RNF216: variants seen among roughly 807,000 people sequenced by gnomAD.
RNF216 encodes the protein ring finger protein 216, also known as E3 ubiquitin-protein ligase RNF216.
A neutral mutation model predicts 110.8 loss-of-function variants in RNF216; 72 were observed. That is an observed-to-expected ratio of 0.65 (90% CI 0.54 to 0.79). The LOEUF is 0.79. Ranked by LOEUF, RNF216 falls within the 30% of genes least tolerant of loss-of-function variation. RNF216 has a pLI of 0.00. For missense variants in RNF216, 1,342 were observed against 1,141.2 expected, an observed-to-expected ratio of 1.18 and a Z score of -2.54; for synonymous variants, 495 against 407.5, an observed-to-expected ratio of 1.21 and a Z score of -2.59.
intron 14 of RNF216, among the ~76,000 whole-genome samples, chr7:5,646,678 C>T (rs556664279): frequency 3.1e-4 from 46 of 148,844 alleles, no homozygotes; most frequent in African/African-American, 8.5e-4. Flanking sequence ...GGCGACAGAG[C>T]GAGACTCCAT....
chr7:5,767,963 C>T (rs1796290133), intron 1 of RNF216, among the ~76,000 whole-genome samples: 1 of 152,042 alleles, frequency 6.6e-6, no homozygotes, highest in African/African-American at 2.4e-5. Context: ...ACTGAGCTTT[C>T]ATCTAAGATC....
intron 13 of RNF216, among the ~76,000 whole-genome samples, chr7:5,689,752 A>C (rs907666200): frequency 6.6e-6 from 1 of 152,058 alleles, no homozygotes; most frequent in African/African-American, 2.4e-5. Context: ...TTAGGAGTTC[A>C]AGACAAGCCT....
Position 5,689,969 on chromosome 7 carries a change from A to C in RNF216, c.2061+21792T>G, listed in dbSNP as rs191651539. On this transcript the variant is annotated intron_variant, in intron 13 of 16. Coordinates refer to ENST00000389902, the MANE Select transcript of RNF216 (RefSeq NM_207111.4). Reference sequence around the variant, plus strand: ...AAAAGAACAGAAAAGAGAAGAGAAGAGGAGGGCAGGTAACCCCCCTTATTT... The same window carrying C: ...AAAAGAACAGAAAAGAGAAGAGAAGCGGAGGGCAGGTAACCCCCCTTATTT... Among the ~76,000 whole-genome samples, 793 of 150,640 alleles carry C rather than the reference A, an allele frequency of 5.3e-3. 3 individuals are homozygous for C. The highest frequency in any genetic ancestry group is 0.028 in the Middle Eastern group (8 of 288).
At chr7:5,769,534 G>A (rs1298120127) in intron 1 of RNF216, among the ~76,000 whole-genome samples, 1 of 150,284 alleles carries the variant, frequency 6.7e-6, no homozygotes, top group African/African-American at 2.4e-5. Context: ...ACCAGCCTGG[G>A]CAACATGGTG....
At chr7:5,758,707 G>A (rs1271188594) in intron 2 of RNF216, among the ~76,000 whole-genome samples, 1 of 152,132 alleles carries the variant, frequency 6.6e-6, no homozygotes, top group African/African-American at 2.4e-5. Flanking sequence ...TTTGGAACAG[G>A]AGTATATACG....
At chr7:5,722,403 T>G (rs11979789) in intron 8 of RNF216, among the ~76,000 whole-genome samples, 10,054 of 151,574 alleles carry the variant, frequency 0.066, 1,097 homozygotes, top group African/African-American at 0.23. Context: ...GTTTTGTTTT[T>G]TTTTGAGACA....
chr7:5,647,522 G>C (rs150335150), intron 14 of RNF216, among the ~76,000 whole-genome samples: 6 of 151,812 alleles, frequency 4.0e-5, no homozygotes, highest in African/African-American at 1.2e-4. Context: ...TCTGTACAGA[G>C]AGGGTCTCAC....
In RNF216 at chr7:5,622,434, C is replaced by T. The variant is rs1786425978; in HGVS notation, c.*426G>A. ...CCACCCTGAGCAATGCTTCCCAGGC[C>T]CGCAGGTGCAGCCCCCTCTGCCCTT... On this transcript the variant is annotated 3_prime_UTR_variant, in exon 17 of 17. Coordinates refer to ENST00000389902, the MANE Select transcript of RNF216 (RefSeq NM_207111.4). 1 of 163,534 alleles carries T rather than the reference C, an allele frequency of 6.1e-6. No homozygotes were observed. The highest frequency in any genetic ancestry group is 1.3e-5 in the Non-Finnish European group (1 of 75,886). The allele number at this position is 163,534 out of a possible 1,614,324, so 10.1% of individuals were successfully genotyped here. A position where few individuals can be genotyped will look rare whatever the true frequency, so the allele number is the denominator to read the frequency against.
In RNF216 at chr7:5,739,813, C is replaced by T. The variant is rs184270471; in HGVS notation, c.1045-461G>A. On this transcript the variant is annotated intron_variant, in intron 4 of 16. Coordinates refer to ENST00000389902, the MANE Select transcript of RNF216 (RefSeq NM_207111.4). ...GTCAGGAGTTCAAAACCAGCCTGGCCAACATGGTGAAACCCCGTCTCTACT... is the reference window on the plus strand; with the variant it reads ...GTCAGGAGTTCAAAACCAGCCTGGCTAACATGGTGAAACCCCGTCTCTACT... Among the ~76,000 whole-genome samples the T allele has an allele frequency of 5.4e-3, 824 of 151,956 alleles. 8 individuals carry two copies. The highest frequency in any genetic ancestry group is 4.5e-3 in the Non-Finnish European group (306 of 67,962).
chr7:5,725,095 C>G lies in RNF216; in HGVS notation c.1504+229G>C, dbSNP rs148204874. On this transcript the variant is annotated intron_variant, in intron 8 of 16. Transcript: ENST00000389902. ...CACACATGAATTTTCTAACACCACA[C>G]AAAATTTTCCTCTCACAGTTTATCT... 2.7e-3 allele frequency among the ~76,000 whole-genome samples: 418 copies of G among 152,280 alleles called. 1 individual carries two copies. The highest frequency in any genetic ancestry group is 9.8e-3 in the African/African-American group (407 of 41,552).
At chr7:5,672,750 T>C (rs774960569) in intron 13 of RNF216, among the ~76,000 whole-genome samples, 18 of 152,100 alleles carry the variant, frequency 1.2e-4, no homozygotes, top group Non-Finnish European at 2.4e-4. Flanking sequence ...GTGGTCTTCC[T>C]GGTGAGCAGC....
Position 5,670,417 on chromosome 7 carries a change from G to A in RNF216, c.2062-17907C>T, listed in dbSNP as rs188807013. On this transcript the variant is annotated intron_variant, in intron 13 of 16. Transcript: ENST00000389902. Reference sequence around the variant, plus strand: ...AGGGGCTGCCAAAAGGAGACACCCAGAACTAGAGGAGAGTGCTGAACTGGT... The same window carrying A: ...AGGGGCTGCCAAAAGGAGACACCCAAAACTAGAGGAGAGTGCTGAACTGGT... 4.3e-3 allele frequency among the ~76,000 whole-genome samples: 655 copies of A among 152,302 alleles called. 2 individuals are homozygous for A. Among genetic ancestry groups the A allele is most frequent in the Non-Finnish European group, 7.1e-3 (482 of 68,028 alleles).
At chr7:5,706,344 C>A (rs1455795024) in intron 13 of RNF216, among the ~76,000 whole-genome samples, 3 of 152,156 alleles carry the variant, frequency 2.0e-5, no homozygotes, top group Non-Finnish European at 1.5e-5. Flanking sequence ...ACAACTTAAT[C>A]TGGCATGACT....
chr7:5,751,432 A>G (rs931427318), intron 3 of RNF216, among the ~76,000 whole-genome samples: 2 of 152,230 alleles, frequency 1.3e-5, no homozygotes, highest in Admixed American at 1.3e-4. Flanking sequence ...GGAAGCATCC[A>G]TGTAAGTTTC....
intron 5 of RNF216, among the ~76,000 whole-genome samples, chr7:5,738,485 G>C (rs1448613314): frequency 2.6e-5 from 4 of 152,100 alleles, no homozygotes; most frequent in Non-Finnish European, 4.4e-5. Context: ...GAGGCGGGTG[G>C]ATCACGAGGT....
chr7:5,690,246 G>C (rs1372155230), intron 13 of RNF216, among the ~76,000 whole-genome samples: 1 of 149,458 alleles, frequency 6.7e-6, no homozygotes, highest in Non-Finnish European at 1.5e-5. Flanking sequence ...AGAATCTCTT[G>C]CACACAGGAA....
intron 13 of RNF216, among the ~76,000 whole-genome samples, chr7:5,700,595 T>C (rs953060782): frequency 5.9e-5 from 9 of 152,080 alleles, no homozygotes; most frequent in Non-Finnish European, 1.3e-4. Flanking sequence ...TGAGAAGCAA[T>C]AGCTAACTAG....
At chr7:5,759,795 C>G (rs1432913376) in intron 2 of RNF216, among the ~76,000 whole-genome samples, 9 of 151,964 alleles carry the variant, frequency 5.9e-5, no homozygotes, top group African/African-American at 2.2e-4. Context: ...CCACGCCCAG[C>G]TAATTTTTGT....
intron 13 of RNF216, among the ~76,000 whole-genome samples, chr7:5,698,419 A>C (rs982493592): frequency 6.6e-6 from 1 of 151,266 alleles, no homozygotes; most frequent in African/African-American, 2.5e-5. Flanking sequence ...ACACACATAC[A>C]CACACACGCA....
Sources: allele counts gnomAD v4.1 joint callset (sites outside exome capture counted in the v4.1 genomes callset), GRCh38; gene constraint gnomAD v4.1.1; transcripts MANE v1.5; gene names NCBI Gene and HGNC (gene_info 2026-07-23, HGNC 2026-07-21).